SYT1: variants seen among roughly 807,000 people sequenced by gnomAD.
SYT1 encodes the protein synaptotagmin-1.
A neutral mutation model predicts 44.8 loss-of-function variants in SYT1; 8 were observed. The observed-to-expected ratio is 0.18, with a 90% CI of 0.10 to 0.32. SYT1 has a LOEUF of 0.32. Among genes scored for constraint, SYT1 ranks in the 10% least tolerant of loss-of-function variants. The pLI, the probability that SYT1 is intolerant of heterozygous loss-of-function variation, is 1.00. For synonymous variants in SYT1, 154 were observed against 188.8 expected (o/e 0.82, Z 1.51); for missense variants, 286 against 509.3 (o/e 0.56, Z 4.22).
intron 4 of SYT1, among the ~76,000 whole-genome samples, chr12:79,273,733 C>T (rs1331228601): frequency 2.4e-4 from 37 of 152,180 alleles, no homozygotes. Context: ...GATCCTAACT[C>T]GTAAAATCCT....
chr12:79,204,988 G>T (rs1361025448), intron 3 of SYT1, among the ~76,000 whole-genome samples: 1 of 101,770 alleles, frequency 9.8e-6, no homozygotes, highest in Non-Finnish European at 1.8e-5. Flanking sequence ...TTTTTGAGAC[G>T]GAGTCTCTCT....
At chr12:79,116,000 A>G (rs142718499) in intron 3 of SYT1, among the ~76,000 whole-genome samples, 539 of 152,356 alleles carry the variant, frequency 3.5e-3, no homozygotes, top group Admixed American at 7.7e-3. Flanking sequence ...ACAAGATAGC[A>G]TACAACCTTT....
intron 3 of SYT1, among the ~76,000 whole-genome samples, chr12:79,131,084 C>T (rs973222857): frequency 2.0e-5 from 3 of 151,172 alleles, no homozygotes; most frequent in African/African-American, 7.3e-5. Flanking sequence ...AAAGGAACTT[C>T]TGCTAACATG....
intron 4 of SYT1, among the ~76,000 whole-genome samples, chr12:79,262,522 T>C (rs1877889571): frequency 6.6e-6 from 1 of 152,204 alleles, no homozygotes; most frequent in African/African-American, 2.4e-5. Flanking sequence ...AGTGTGTACA[T>C]CTTCAAGCTC....
intron 1 of SYT1, among the ~76,000 whole-genome samples, chr12:78,975,173 T>C (rs1397544308): frequency 7.0e-6 from 1 of 143,454 alleles, no homozygotes; most frequent in Non-Finnish European, 1.5e-5. Flanking sequence ...GATTTCTGCA[T>C]GGAAGCCAGT....
chr12:79,204,289 T>C (rs1457412619), intron 3 of SYT1, among the ~76,000 whole-genome samples: 1 of 152,254 alleles, frequency 6.6e-6, no homozygotes, highest in Non-Finnish European at 1.5e-5. Flanking sequence ...ACATTTTCCA[T>C]CATCCTATTT....
At chr12:79,390,063 G>A (rs990053127) in intron 9 of SYT1, among the ~76,000 whole-genome samples, 1 of 151,882 alleles carries the variant, frequency 6.6e-6, no homozygotes, top group African/African-American at 2.4e-5. Flanking sequence ...CTCCTGAGTA[G>A]CTGGGACTAC....
chr12:79,377,762 A>C (rs552528074), intron 9 of SYT1, among the ~76,000 whole-genome samples: 2 of 152,334 alleles, frequency 1.3e-5, no homozygotes, highest in East Asian at 1.9e-4. Context: ...TAGATTGAGA[A>C]TATCCAGGGT....
chr12:79,146,470 A>G (rs1869920650), intron 3 of SYT1, among the ~76,000 whole-genome samples: 1 of 152,224 alleles, frequency 6.6e-6, no homozygotes, highest in African/African-American at 2.4e-5. Flanking sequence ...TGAAAGTTTT[A>G]GAATTCAACC....
rs71091653 is a variant in SYT1, at chr12:79,215,918, C to CTTTTTTTT, written c.-17-1562_-17-1555dup. Reference sequence around the variant, plus strand: ...ACTCACAAATCGTTTGCATTTCTTTCTTTTTTTTTTTTTTTTTTTTTTTTT... The same window carrying CTTTTTTTT: ...ACTCACAAATCGTTTGCATTTCTTTCTTTTTTTTTTTTTTTTTTTTTTTTTTTTTTTTT... On this transcript the variant is annotated intron_variant, in intron 3 of 10. Coordinates refer to ENST00000261205, the MANE Select transcript of SYT1 (RefSeq NM_005639.3). 8.6e-4 allele frequency among the ~76,000 whole-genome samples: 66 copies of CTTTTTTTT among 76,800 alleles called. 1 individual carries two copies. The highest frequency in any genetic ancestry group is 1.3e-3 in the East Asian group (3 of 2,294). 50.4% of individuals were successfully genotyped at this position (76,800 alleles called of 152,430 possible).
intron 3 of SYT1, among the ~76,000 whole-genome samples, chr12:79,092,894 A>G (rs1877874980): frequency 6.6e-6 from 1 of 151,780 alleles, no homozygotes; most frequent in East Asian, 1.9e-4. Context: ...ATAACAAGTC[A>G]TTGACAAGGA....
chr12:79,277,877 A>G (rs1565887435), intron 4 of SYT1, among the ~76,000 whole-genome samples: 5 of 152,066 alleles, frequency 3.3e-5, no homozygotes, highest in Admixed American at 2.0e-4. Context: ...CTTACATCAC[A>G]GAAAACAGAC....
rs574484855 is a variant in SYT1, at chr12:79,166,480, A to G, written c.-17-51023A>G. Among the ~76,000 whole-genome samples the G allele has an allele frequency of 2.6e-5, 4 of 152,124 alleles. No individual in the cohort carries two copies. The East Asian group carries it at 5.8e-4, about 22-fold the overall frequency. Reference sequence around the variant, plus strand: ...CTGCAGAGACTAGGAGACAAAGGTAATATTCTGAAGAAGAATATTTTAGGG... The same window carrying G: ...CTGCAGAGACTAGGAGACAAAGGTAGTATTCTGAAGAAGAATATTTTAGGG... On this transcript the variant is annotated intron_variant, in intron 3 of 10. Coordinates refer to ENST00000261205, the MANE Select transcript of SYT1 (RefSeq NM_005639.3).
rs1286977807 is a variant in SYT1, at chr12:79,224,755, TTA to T, written c.166+7072_166+7073del. ...TCATTTTTTATTTATTTATTTTTTA[TTA>T]TTATTATTATTATTATTATTATTAT... On this transcript the variant is annotated intron_variant, in intron 4 of 10. Transcript: ENST00000261205. Among the ~76,000 whole-genome samples the T allele has an allele frequency of 2.6e-3, 16 of 6,200 alleles. No homozygotes were observed. In the African/African-American group the frequency reaches 0.046, roughly 18 times the overall value. 4.1% of individuals were successfully genotyped at this position (6,200 alleles called of 152,430 possible).
In SYT1 at chr12:79,052,216, T is replaced by C. The variant is rs182464628; in HGVS notation, c.-18+4854T>C. Among the ~76,000 whole-genome samples the C allele has an allele frequency of 9.7e-4, 147 of 152,256 alleles. 1 individual carries two copies. The highest frequency in any genetic ancestry group is 3.3e-3 in the African/African-American group (139 of 41,582). On this transcript the variant is annotated intron_variant, in intron 3 of 10. Transcript: ENST00000261205. ...TCTTTTATTTCATTGAGCAGTGGTT[T>C]GTAGTTCTCCTTGAAGGGGTCCTTC...
At chr12:79,307,405 A>G (rs921873734) in intron 8 of SYT1, among the ~76,000 whole-genome samples, 1 of 152,194 alleles carries the variant, frequency 6.6e-6, no homozygotes, top group Non-Finnish European at 1.5e-5. Context: ...ATTTCATCAT[A>G]TATTAAACCT....
At chr12:78,919,196 T>A (rs1381882) in intron 1 of SYT1, among the ~76,000 whole-genome samples, 70,047 of 151,714 alleles carry the variant, frequency 0.46, 18,550 homozygotes, top group Admixed American at 0.61. Flanking sequence ...AAATTTTTTT[T>A]AAAAAAAGTT....
chr12:79,137,904 C>A (rs1424166036), intron 3 of SYT1, among the ~76,000 whole-genome samples: 2 of 152,150 alleles, frequency 1.3e-5, no homozygotes, highest in African/African-American at 4.8e-5. Context: ...GCACAAATTT[C>A]TTTGCTGTCA....
intron 8 of SYT1, among the ~76,000 whole-genome samples, chr12:79,312,232 T>TA (rs1880843169): frequency 6.6e-6 from 1 of 152,132 alleles, no homozygotes; most frequent in African/African-American, 2.4e-5. Flanking sequence ...AATCGATTTG[T>TA]AAAAATGTTG....
Sources: gnomAD v4.1 joint callset for allele counts (sites outside exome capture counted in the v4.1 genomes callset) on GRCh38, gnomAD v4.1.1 for gene constraint, MANE v1.5 for transcripts, NCBI Gene and HGNC (gene_info 2026-07-23, HGNC 2026-07-21) for gene names.